Variants in DOCK9 observed in about 807,000 individuals in gnomAD.
DOCK9 encodes dedicator of cytokinesis 9, also known as dedicator of cytokinesis protein 9.
DOCK9 carries 89 observed loss-of-function variants against 263.3 expected under a neutral mutation model. That is an observed-to-expected ratio of 0.34 (90% CI 0.28 to 0.40). The LOEUF (loss-of-function observed/expected upper bound fraction) is 0.40, where lower values mean the gene tolerates loss of function less well. Among genes scored for constraint, DOCK9 ranks in the 10% least tolerant of loss-of-function variants. The pLI, the probability that DOCK9 is intolerant of heterozygous loss-of-function variation, is 1.00. For synonymous variants in DOCK9, 976 were observed against 973.1 expected (o/e 1.00, Z -0.06); for missense variants, 2,140 against 2,603.4 (o/e 0.82, Z 3.87).
intron 27 of DOCK9, among the ~76,000 whole-genome samples, chr13:98,869,858 C>T (rs1281088972): frequency 6.6e-6 from 1 of 152,250 alleles, no homozygotes; most frequent in African/African-American, 2.4e-5. Context: ...CCTTCCTGTG[C>T]CACTGCCTGG....
At chr13:98,838,177 G>A (rs2093079073) in intron 38 of DOCK9, among the ~76,000 whole-genome samples, 1 of 152,170 alleles carries the variant, frequency 6.6e-6, no homozygotes, top group Non-Finnish European at 1.5e-5. Context: ...TCAGGCTGCT[G>A]GTCACTGAGT....
At chr13:98,956,177 G>A (rs1340394055) in intron 1 of DOCK9, among the ~76,000 whole-genome samples, 1 of 152,196 alleles carries the variant, frequency 6.6e-6, no homozygotes, top group Admixed American at 6.5e-5. Context: ...TGAATCCGAG[G>A]GGATGGGGAC....
intron 2 of DOCK9, among the ~76,000 whole-genome samples, chr13:98,955,190 C>A (rs549193670): frequency 6.6e-6 from 1 of 152,180 alleles, no homozygotes; most frequent in South Asian, 2.1e-4. Flanking sequence ...TGGTGGCACA[C>A]GCCTGTAATC....
At chr13:98,955,310 CTG>C (rs1412437020) in intron 2 of DOCK9, 123 bp downstream of exon 2, 6 of 617,988 alleles carry the variant, frequency 9.7e-6, no homozygotes, top group Non-Finnish European at 1.5e-5. Context: ...CAGAGCAAGA[CTG>C]TGTCTCAAAA....
chr13:99,024,861 A>G (rs1886533989), intron 1 of DOCK9, among the ~76,000 whole-genome samples: 1 of 152,232 alleles, frequency 6.6e-6, no homozygotes, highest in South Asian at 2.1e-4. Flanking sequence ...GTAAAAAGAC[A>G]CAAAATAAAA....
rs147969798 is a variant in DOCK9, at chr13:98,887,771, A to G, written c.2043+387T>C. ...ATAATCTACTGCTATTATTATTACT[A>G]TACTGTAGTAAACATTTAATAAAAT... is the stretch of plus-strand genomic sequence containing the variant. On this transcript the variant is annotated intron_variant, in intron 18 of 52. Coordinates refer to ENST00000682017, the MANE Select transcript of DOCK9 (RefSeq NM_001366683.2). Among the ~76,000 whole-genome samples, 183 of 152,214 alleles carry G rather than the reference A, an allele frequency of 1.2e-3. 2 individuals carry two copies. The highest frequency in any genetic ancestry group is 8.4e-3 in the Admixed American group (128 of 15,302).
At chr13:98,981,058 T>G (rs1389048460), upstream of DOCK9, among the ~76,000 whole-genome samples, 1 of 151,918 alleles carries the variant, frequency 6.6e-6, no homozygotes, top group Non-Finnish European at 1.5e-5. Context: ...TAATTTGTTT[T>G]TTGTTTTTTT....
At chr13:99,086,249 C>G (rs1265312356) in exon 1 of DOCK9, 28 of 1,503,030 alleles carry the variant, frequency 1.9e-5, no homozygotes, top group Non-Finnish European at 2.5e-5. Flanking sequence ...CGCACCACCT[C>G]AGACACGCTC....
At chr13:98,890,178 A>G (rs1232701881) in intron 15 of DOCK9, among the ~76,000 whole-genome samples, 1 of 152,196 alleles carries the variant, frequency 6.6e-6, no homozygotes, top group African/African-American at 2.4e-5. Context: ...ATGTCATAAA[A>G]ATATTTAATC....
intron 2 of DOCK9, among the ~76,000 whole-genome samples, chr13:98,938,478 G>A (rs1437125272): frequency 6.6e-6 from 1 of 152,066 alleles, no homozygotes; most frequent in East Asian, 1.9e-4. Flanking sequence ...TCTGAGTGCT[G>A]GAAATTGCTT....
chr13:98,921,280 G>T (rs1270604217), intron 6 of DOCK9, among the ~76,000 whole-genome samples, 192 bp from the exon 7 acceptor site: 1 of 152,178 alleles, frequency 6.6e-6, no homozygotes, highest in African/African-American at 2.4e-5. Flanking sequence ...GTTCTGAGGA[G>T]GTGGTTCCCC....
rs1241257921 is a variant in DOCK9 at position 99,054,160 on chromosome 13, G to A, written c.129+32063C>T. ...CTCACTCTAAAATCTAGTTCATGGG[G>A]ATTACTCAGGCATATTTATAAACCC... On this transcript the variant is annotated intron_variant, in intron 1 of 32. Transcript: ENST00000427887. Among the ~76,000 whole-genome samples the A allele has an allele frequency of 2.0e-5, 3 of 152,132 alleles. 1 individual carries two copies. The highest frequency in any genetic ancestry group is 6.3e-3 in the Middle Eastern group (2 of 316).
At chr13:98,922,001 T>C (rs138758411) in intron 6 of DOCK9, 50 bp downstream of exon 6, 2 of 1,423,166 alleles carry the variant, frequency 1.4e-6, no homozygotes, top group South Asian at 1.2e-5. Context: ...TCGAGCTCTA[T>C]GGCAGAAAGG....
At chr13:99,008,212 C>CTCTCTA (rs1433985064) in intron 1 of DOCK9, among the ~76,000 whole-genome samples, 96 of 79,144 alleles carry the variant, frequency 1.2e-3, no homozygotes, top group African/African-American at 2.5e-3. Context: ...CTCTCTCTCT[C>CTCTCTA]TATATATATA....
intron 1 of DOCK9, among the ~76,000 whole-genome samples, chr13:99,035,933 C>A (rs910317036): frequency 6.6e-6 from 1 of 152,106 alleles, no homozygotes; most frequent in African/African-American, 2.4e-5. Context: ...AAAGGACCGA[C>A]CTTTCCTGTG....
chr13:98,912,092 G>C (rs1233165121), intron 9 of DOCK9, among the ~76,000 whole-genome samples: 5 of 151,624 alleles, frequency 3.3e-5, no homozygotes, highest in Non-Finnish European at 5.9e-5. Flanking sequence ...GGCTGGTCTT[G>C]AACTCCTAAC....
upstream of DOCK9, among the ~76,000 whole-genome samples, chr13:98,979,279 A>G (rs574877743): frequency 4.9e-4 from 75 of 151,906 alleles, no homozygotes; most frequent in Non-Finnish European, 8.2e-4. Flanking sequence ...GTCAACAACG[A>G]GAGTAGTTAT....
intron 1 of DOCK9, chr13:98,959,538 A>T (rs1431712959): frequency 6.6e-6 from 1 of 152,288 alleles, no homozygotes; most frequent in Non-Finnish European, 1.5e-5. Context: ...CTGCTGCCTA[A>T]GTTAAGAACA....
intron 48 of DOCK9, among the ~76,000 whole-genome samples, chr13:98,807,369 G>A (rs796437): frequency 0.4 from 61,380 of 152,008 alleles, 12,969 homozygotes; most frequent in Non-Finnish European, 0.45. Context: ...GCGAAGCCAC[G>A]GGCCTCATTC....
Sources: gnomAD v4.1 joint callset for allele counts (sites outside exome capture counted in the v4.1 genomes callset) on GRCh38, gnomAD v4.1.1 for gene constraint, MANE v1.5 for transcripts, NCBI Gene and HGNC (gene_info 2026-07-23, HGNC 2026-07-21) for gene names.